CELSR3: variants seen among roughly 807,000 people sequenced by gnomAD.
The protein encoded by CELSR3 is EGF-like protein 1.
A neutral mutation model predicts 270.0 loss-of-function variants in CELSR3; 73 were observed. That is an observed-to-expected ratio of 0.27 (90% confidence interval 0.22 to 0.33). The LOEUF is 0.33. Ranked by LOEUF, CELSR3 falls within the 10% of genes least tolerant of loss-of-function variation. The pLI, the probability that CELSR3 is intolerant of heterozygous loss-of-function variation, is 1.00. For missense variants in CELSR3, 3,614 were observed against 4,533.8 expected (o/e 0.80, Z 5.83); for synonymous variants, 1,780 against 1,905.4 (o/e 0.93, Z 1.71).
intron 16 of CELSR3, among the ~76,000 whole-genome samples, chr3:48,649,749 G>A (rs1165776516): frequency 6.6e-6 from 1 of 152,138 alleles, no homozygotes; most frequent in Non-Finnish European, 1.5e-5. Flanking sequence ...AATGAGAATT[G>A]ACTTGGATCT....
rs1235948323 is a variant in CELSR3, at chr3:48,662,098, G to A, written c.537C>T (p.His179=). ...SPLPSDFLIR[H]HGPKPVSSQR... ...GGGAGGACACCGGCTTGGGACCGTG[G>A]TGCCGAATCAAAAAGTCTGAAGGGA... The change falls in exon 1 of 35, where the codon CAC becomes CAT. Residue 179 remains histidine, a synonymous_variant. Transcript: ENST00000164024. This position sits in a 1 kb window ranked among gnomAD's most constrained non-coding sequence, Gnocchi z 7.1. The A allele has an allele frequency of 6.2e-7, 1 of 1,613,950 alleles. No homozygotes were observed. Among genetic ancestry groups the A allele is most frequent in the Admixed American group, 1.7e-5 (1 of 60,022 alleles).
At position 48,659,209 on chromosome 3, in the gene CELSR3, C is replaced by T; in HGVS notation, c.3426G>A (p.Val1142=). 1 of 1,614,212 alleles carries T rather than the reference C, an allele frequency of 6.2e-7. No individual in the cohort carries two copies. The highest frequency in any genetic ancestry group is 1.1e-5 in the South Asian group (1 of 91,086). Residue 1142 remains valine (V), a synonymous_variant, in exon 1 of 35, where the codon GTG becomes GTA. Coordinates refer to ENST00000164024, the MANE Select transcript of CELSR3 (RefSeq NM_001407.3). This position sits in a 1 kb window ranked among gnomAD's most constrained non-coding sequence, Gnocchi z 8.1. ...YEARQEYVIV[V]QATSAPLVSR... ...TGACCAAAGGAGCAGATGTGGCCTG[C>T]ACCACAATCACATATTCTTGGCGAG...
At position 48,651,899 on chromosome 3, in the gene CELSR3, G is replaced by T. The variant is rs1439926038; in HGVS notation, c.5901C>A (p.Thr1967=). ...CACCTGGCTGGCAGGTGCAAGAAAA[G>T]GTCTGCCAGAGGTCCCGGCAGTCTG... The part of the protein sequence containing the change: ...PHADCRDLWQ[T]FSCTCQPGYY... Residue 1967 remains threonine, a synonymous_variant, in exon 12 of 35, where the codon ACC becomes ACA. Transcript: ENST00000164024. The surrounding 1 kb of genome is among the most constrained non-coding windows in gnomAD (Gnocchi z 7.4). The T allele has an allele frequency of 1.2e-6, 2 of 1,612,298 alleles. No homozygotes were observed. Among genetic ancestry groups the T allele is most frequent in the Admixed American group, 1.7e-5 (1 of 59,812 alleles).
In CELSR3 at chr3:48,648,250, C is replaced by CCCCCCCCCCA; in HGVS notation, c.6973+15_6973+16insTGGGGGGGGG. Reference sequence around the variant, plus strand: ...GCCCCCCTGCTGTGCCCCGCCCTACCCCACCCACAACGCACTGATATTAGG... The same window carrying CCCCCCCCCCA: ...GCCCCCCTGCTGTGCCCCGCCCTACCCCCCCCCCCACCACCCACAACGCACTGATATTAGG... On this transcript the variant is annotated intron_variant, in intron 19 of 34. Transcript: ENST00000164024. 1 of 1,536,018 alleles carries CCCCCCCCCCA rather than the reference C, an allele frequency of 6.5e-7. No homozygotes were observed.
chr3:48,656,596 G>A, intron 2 of CELSR3, 102 bp downstream of exon 2: 1 of 1,379,292 alleles, frequency 7.3e-7, no homozygotes, highest in South Asian at 1.5e-5. Context: ...GTCCATACCA[G>A]GCCGTGGCCT....
In CELSR3 at chr3:48,649,127, A is replaced by G; in HGVS notation, c.6561T>C (p.Ser2187=). 1 of 1,611,862 alleles carries G rather than the reference A, an allele frequency of 6.2e-7. No individual in the cohort carries two copies. Among genetic ancestry groups the G allele is most frequent in the Non-Finnish European group, 8.5e-7 (1 of 1,179,200 alleles). The change falls in exon 17 of 35, where the codon AGT becomes AGC. Residue 2187 remains serine, a synonymous_variant. Coordinates refer to ENST00000164024, the MANE Select transcript of CELSR3 (RefSeq NM_001407.3). ...NCTSPAFREL[S]LLLDGLELNK... ...AAGGTCTGGGCAGTCTCACCAGCAG[A>G]CTGAGCTCTCGAAAGGCAGGGGAGG... is the stretch of plus-strand genomic sequence containing the variant.
chr3:48,662,126 G>T lies in CELSR3; in HGVS notation c.509C>A (p.Pro170His). 6.2e-7 allele frequency: 1 copy of T among 1,613,462 alleles called. No individual in the cohort carries two copies. The highest frequency in any genetic ancestry group is 2.2e-5 in the East Asian group (1 of 44,882). Residue 170 changes from proline (P) to histidine (H), a missense_variant, in exon 1 of 35, where the codon CCC becomes CAC. Transcript: ENST00000164024. This position sits in a 1 kb window ranked among gnomAD's most constrained non-coding sequence, Gnocchi z 7.1. ...CCGAATCAAAAAGTCTGAAGGGAGG[G>T]GCGAGCTGTTCCCCGAGCCCGGGAC... ...SGVPGSGNSS[P>H]LPSDFLIRHH... is the part of the protein sequence containing the mutation.
rs2047043955 is a variant in CELSR3 at position 48,643,019 on chromosome 3, G to C, written c.8354C>G (p.Ala2785Gly). Residue 2785 changes from alanine to glycine, a missense_variant, in exon 29 of 35, where the codon GCC becomes GGC. This residue lies in a region of CELSR3 where 1,240 missense variants were observed against 1,351.7 expected (regional missense o/e 0.92). Coordinates refer to ENST00000164024, the MANE Select transcript of CELSR3 (RefSeq NM_001407.3). ...NADARAAWMP[A>G]CLGRKAAPEE... ...AGGCGCTGCCTTCCTGCCCAGACAG[G>C]CTGGCATCCAGGCAGCCCGAGCATC... is the stretch of plus-strand genomic sequence containing the variant. 1.9e-6 allele frequency: 3 copies of C among 1,612,872 alleles called. No individual in the cohort carries two copies. The highest frequency in any genetic ancestry group is 2.5e-6 in the Non-Finnish European group (3 of 1,179,920).
chr3:48,651,551 C>T lies in CELSR3; in HGVS notation c.6065+26G>A, dbSNP rs773615693. Reference sequence around the variant, plus strand: ...CCCTCCCTGTCCCTGCCAGGTCTCCCCATCGCCTCAGCCCCAGCCTCTTAC... The same window carrying T: ...CCCTCCCTGTCCCTGCCAGGTCTCCTCATCGCCTCAGCCCCAGCCTCTTAC... On this transcript the variant is annotated intron_variant, in intron 13 of 34. Coordinates refer to ENST00000164024, the MANE Select transcript of CELSR3 (RefSeq NM_001407.3). This position sits in a 1 kb window ranked among gnomAD's most constrained non-coding sequence, Gnocchi z 7.4. The T allele has an allele frequency of 9.4e-6, 15 of 1,593,164 alleles. No homozygotes were observed. The African/African-American group carries it at 1.6e-4, about 17-fold the overall frequency.
At position 48,647,864 on chromosome 3, in the gene CELSR3, G is replaced by T. The variant is rs764658316; in HGVS notation, c.7106C>A (p.Ser2369Tyr). 1.9e-6 allele frequency: 3 copies of T among 1,610,804 alleles called. No individual in the cohort carries two copies. Among genetic ancestry groups the T allele is most frequent in the South Asian group, 1.1e-5 (1 of 91,088 alleles). The change falls in exon 20 of 35, where the codon TCC becomes TAC. Residue 2369 changes from serine to tyrosine, a missense_variant. This residue lies in a region of CELSR3 where 1,240 missense variants were observed against 1,351.7 expected (regional missense o/e 0.92). Transcript: ENST00000164024. ...ACCTTCAGATGGGGATGGCCGTGGG[G>T]ACTGGGAAGGCAGCAGCACATGGGT... ...PHTHVLLPSQ[S>Y]PRPSPSEVLP...
chr3:48,644,820 C>T lies in CELSR3; in HGVS notation c.7981G>A (p.Val2661Met), dbSNP rs2047064132. The T allele has an allele frequency of 3.7e-6, 6 of 1,613,032 alleles. No individual in the cohort carries two copies. The highest frequency in any genetic ancestry group is 1.6e-4 in the Middle Eastern group (1 of 6,062). ...GVPAVLLGLA[V>M]GLDPEGYGNP... ...CCATAGCCCTCAGGGTCCAGGCCCA[C>T]AGCAAGGCCTTGGGAAGAGAAAGGG... The change falls in exon 26 of 35, where the codon GTG becomes ATG. Residue 2661 changes from valine to methionine, a missense_variant. This residue lies in a region of CELSR3 where 1,240 missense variants were observed against 1,351.7 expected (regional missense o/e 0.92). Coordinates refer to ENST00000164024, the MANE Select transcript of CELSR3 (RefSeq NM_001407.3). The surrounding 1 kb of genome is among the most constrained non-coding windows in gnomAD (Gnocchi z 4.8).
chr3:48,655,339 T>C lies in CELSR3; in HGVS notation c.4797A>G (p.Gln1599=), dbSNP rs775930797. The change falls in exon 5 of 35, where the codon CAA becomes CAG. Residue 1599 remains glutamine, a synonymous_variant. Transcript: ENST00000164024. This position sits in a 1 kb window ranked among gnomAD's most constrained non-coding sequence, Gnocchi z 5.8. ...AGTATCTCAGATGCACTGTATGCCA[T>C]TGCCCGTCACTCAAGCCCCCTGGAA... The part of the protein sequence containing the change: ...PTVPGGLSDG[Q]WHTVHLRYYN... 1.9e-6 allele frequency: 3 copies of C among 1,614,074 alleles called. No individual in the cohort carries two copies. In the Admixed American group the frequency reaches 5.0e-5, roughly 27 times the overall value.
intron 27 of CELSR3, 198 bp from the exon 28 acceptor site, chr3:48,643,875 T>A: frequency 1.6e-6 from 1 of 634,522 alleles, no homozygotes; most frequent in South Asian, 2.1e-5. Flanking sequence ...CAAAGAGCCA[T>A]GAGGACACGT....
chr3:48,637,633 G>A lies in CELSR3; in HGVS notation c.*572C>T. 1 of 155,386 alleles carries A rather than the reference G, an allele frequency of 6.4e-6. No individual in the cohort carries two copies. The highest frequency in any genetic ancestry group is 6.3e-5 in the Admixed American group (1 of 15,988). 9.6% of individuals were successfully genotyped at this position (155,386 alleles called of 1,614,324 possible). A position where few individuals can be genotyped will look rare whatever the true frequency, so the allele number is the denominator to read the frequency against. Reference sequence around the variant, plus strand: ...CCACCAGGAGGGGCGGTATGAGCAAGCCCCCATGAGGAAGTCAGAGGACCC... The same window carrying A: ...CCACCAGGAGGGGCGGTATGAGCAAACCCCCATGAGGAAGTCAGAGGACCC... On this transcript the variant is annotated 3_prime_UTR_variant, in exon 35 of 35. Coordinates refer to ENST00000164024, the MANE Select transcript of CELSR3 (RefSeq NM_001407.3).
At chr3:48,649,895 G>A (rs1404115732) in intron 16 of CELSR3, among the ~76,000 whole-genome samples, 1 of 152,172 alleles carries the variant, frequency 6.6e-6, no homozygotes, top group Non-Finnish European at 1.5e-5. Flanking sequence ...TCTCTGTCCA[G>A]CCACTGCAGA....
chr3:48,656,387 G>C (rs956606791), intron 2 of CELSR3, 22 bp from the exon 3 acceptor site: 52 of 1,397,680 alleles, frequency 3.7e-5, no homozygotes, highest in Non-Finnish European at 3.9e-5. Context: ...GCCGCGGTCA[G>C]AGGCGGTCAC....
Position 48,651,754 on chromosome 3 carries a change from G to C in CELSR3, c.5924-36C>G, listed in dbSNP as rs760854608. Reference sequence around the variant, plus strand: ...GGTCAGAAAGCTCAGGATCCTGGTCGCAGAGCATGGAAGGAAGCAGGCACC... The same window carrying C: ...GGTCAGAAAGCTCAGGATCCTGGTCCCAGAGCATGGAAGGAAGCAGGCACC... On this transcript the variant is annotated intron_variant, in intron 12 of 34. Transcript: ENST00000164024. This position sits in a 1 kb window ranked among gnomAD's most constrained non-coding sequence, Gnocchi z 7.4. 1 of 1,533,060 alleles carries C rather than the reference G, an allele frequency of 6.5e-7. No homozygotes were observed. The highest frequency in any genetic ancestry group is 8.8e-7 in the Non-Finnish European group (1 of 1,142,404). 95.0% of individuals were successfully genotyped at this position (1,533,060 alleles called of 1,614,324 possible). A position where few individuals can be genotyped will look rare whatever the true frequency, so the allele number is the denominator to read the frequency against.
rs1212835800 is a variant in CELSR3 at position 48,657,384 on chromosome 3, G to C, written c.3749-36C>G. The C allele has an allele frequency of 2.0e-6, 3 of 1,524,790 alleles. No individual in the cohort carries two copies. Among genetic ancestry groups the C allele is most frequent in the Non-Finnish European group, 1.8e-6 (2 of 1,137,152 alleles). The allele number at this position is 1,524,790 out of a possible 1,614,324, so 94.5% of individuals were successfully genotyped here. On this transcript the variant is annotated intron_variant, in intron 1 of 34. Transcript: ENST00000164024. This position sits in a 1 kb window ranked among gnomAD's most constrained non-coding sequence, Gnocchi z 5.4. Reference sequence around the variant, plus strand: ...GGGCAGGGGCAGTGGTCATCCTGGGGACAGTGGCCACCCCTCCCTGGGACA... The same window carrying C: ...GGGCAGGGGCAGTGGTCATCCTGGGCACAGTGGCCACCCCTCCCTGGGACA...
At chr3:48,648,022 C>T in intron 19 of CELSR3, 26 bp from the exon 20 acceptor site, 1 of 1,609,694 alleles carries the variant, frequency 6.2e-7, no homozygotes, top group Non-Finnish European at 8.5e-7. Context: ...AAAGGGGAGG[C>T]CCATCATGGA....
Sources: allele counts gnomAD v4.1 joint callset (sites outside exome capture counted in the v4.1 genomes callset), GRCh38; gene constraint gnomAD v4.1.1; regional missense constraint gnomAD v4.1.1; non-coding constraint Gnocchi (gnomAD v3.1); transcripts MANE v1.5; gene names NCBI Gene and HGNC (gene_info 2026-07-23, HGNC 2026-07-21).